Variants in DLGAP2 observed in about 807,000 individuals in gnomAD.
The protein encoded by DLGAP2 is disks large-associated protein 2.
DLGAP2 carries 26 observed loss-of-function variants against 100.3 expected under a neutral mutation model. That is an observed-to-expected ratio of 0.26 (90% CI 0.19 to 0.36). The LOEUF is 0.36. DLGAP2 is among the 10% of genes least tolerant of loss of function. DLGAP2 has a pLI of 1.00. For missense variants in DLGAP2, 1,858 were observed against 1,453.2 expected, an observed-to-expected ratio of 1.28 and a Z score of -4.53; for synonymous variants, 886 against 630.1, an observed-to-expected ratio of 1.41 and a Z score of -6.08.
chr8:1,649,756 G>A (rs996440158), intron 8 of DLGAP2, among the ~76,000 whole-genome samples: 8 of 152,244 alleles, frequency 5.3e-5, no homozygotes, highest in South Asian at 2.1e-4. Flanking sequence ...ATAGAGGATC[G>A]TGCTGTGCTT....
At chr8:1,017,702 A>G (rs968719662) in intron 2 of DLGAP2, among the ~76,000 whole-genome samples, 16 of 152,180 alleles carry the variant, frequency 1.1e-4, no homozygotes, top group Non-Finnish European at 2.4e-4. Context: ...TGGGGTTTCC[A>G]TACCCAGGGC....
At chr8:1,427,800 A>C (rs7830456) in intron 3 of DLGAP2, among the ~76,000 whole-genome samples, 4 of 152,226 alleles carry the variant, frequency 2.6e-5, no homozygotes, top group Non-Finnish European at 5.9e-5. Flanking sequence ...CGTAAGTCCA[A>C]TAAGTCTCTT....
chr8:950,342 A>T (rs961273781), intron 2 of DLGAP2, among the ~76,000 whole-genome samples: 1 of 152,226 alleles, frequency 6.6e-6, no homozygotes, highest in African/African-American at 2.4e-5. Flanking sequence ...CACTTCCCAG[A>T]GAAAATCATT....
chr8:1,020,333 C>G (rs974188081), intron 2 of DLGAP2, among the ~76,000 whole-genome samples: 2 of 152,174 alleles, frequency 1.3e-5, no homozygotes, highest in Non-Finnish European at 2.9e-5. Flanking sequence ...GTCATGAAGC[C>G]CCTGACTGGC....
chr8:1,678,764 T>C lies in DLGAP2; in HGVS notation c.2704+135T>C, dbSNP rs552254603. 9.6e-6 allele frequency: 9 copies of C among 937,762 alleles called. No homozygotes were observed. The African/African-American group carries it at 1.5e-4, about 16-fold the overall frequency. The allele number at this position is 937,762 out of a possible 1,614,324, so 58.1% of individuals were successfully genotyped here. A position where few individuals can be genotyped will look rare whatever the true frequency, so the allele number is the denominator to read the frequency against. Reference sequence around the variant, plus strand: ...AGGGAAATAAATGTGCTTTCTAGTATATCCCCCTCAATTCTAAGAAAAGAT... The same window carrying C: ...AGGGAAATAAATGTGCTTTCTAGTACATCCCCCTCAATTCTAAGAAAAGAT... On this transcript the variant is annotated intron_variant, in intron 12 of 14. Coordinates refer to ENST00000637795, the MANE Select transcript of DLGAP2 (RefSeq NM_001346810.2).
chr8:1,663,142 G>A (rs1385711441), intron 8 of DLGAP2, among the ~76,000 whole-genome samples: 18 of 128,230 alleles, frequency 1.4e-4, no homozygotes, highest in South Asian at 5.3e-4. Flanking sequence ...GTGTGTGTAT[G>A]TGTGAGTGTG....
In DLGAP2 at chr8:1,117,457, T is replaced by C. The variant is rs1805154177; in HGVS notation, c.74-141394T>C. 1.3e-5 allele frequency among the ~76,000 whole-genome samples: 2 copies of C among 152,048 alleles called. 1 individual carries two copies. The highest frequency in any genetic ancestry group is 4.1e-4 in the South Asian group (2 of 4,824). On this transcript the variant is annotated intron_variant, in intron 2 of 14. Transcript: ENST00000637795. The stretch of plus-strand genomic sequence containing the variant: ...TCACAGAGAAGAAACAGGCTCACGG[T>C]GGGAAGATGCTTAGAAATGAGGACT...
At chr8:1,129,300 G>C (rs1419486176) in intron 2 of DLGAP2, among the ~76,000 whole-genome samples, 1 of 151,900 alleles carries the variant, frequency 6.6e-6, no homozygotes, top group Non-Finnish European at 1.5e-5. Context: ...CTGCTCGGGA[G>C]GCTGAGGCAG....
intron 2 of DLGAP2, among the ~76,000 whole-genome samples, chr8:1,226,223 A>C (rs1165093425): frequency 1.3e-5 from 2 of 152,204 alleles, no homozygotes; most frequent in African/African-American, 4.8e-5. Flanking sequence ...CACAGAATCA[A>C]CGCAAATGTC....
At chr8:1,571,246 A>C (rs554965896) in intron 6 of DLGAP2, among the ~76,000 whole-genome samples, 4 of 91,192 alleles carry the variant, frequency 4.4e-5, no homozygotes, top group Admixed American at 3.6e-4. Context: ...GAGATGGAGA[A>C]GAGAGAGGGG....
intron 4 of DLGAP2, among the ~76,000 whole-genome samples, chr8:1,541,033 T>A (rs925502209): frequency 8.5e-5 from 13 of 152,182 alleles, no homozygotes; most frequent in African/African-American, 3.1e-4. Flanking sequence ...GCCCAGGATT[T>A]TCTACGGAGC....
At chr8:1,606,750 T>C (rs554697601) in intron 6 of DLGAP2, among the ~76,000 whole-genome samples, 8 of 152,242 alleles carry the variant, frequency 5.3e-5, no homozygotes, top group Admixed American at 1.3e-4. Flanking sequence ...TGGCACAATC[T>C]CGGCTCACTA....
Position 1,614,580 on chromosome 8 carries a change from C to G in DLGAP2, c.1443-12160C>G, listed in dbSNP as rs140551244. Among the ~76,000 whole-genome samples, 993 of 152,322 alleles carry G rather than the reference C, an allele frequency of 6.5e-3. 8 individuals are homozygous for G. Among genetic ancestry groups the G allele is most frequent in the African/African-American group, 0.021 (866 of 41,580 alleles). On this transcript the variant is annotated intron_variant, in intron 6 of 14. Transcript: ENST00000637795. ...CTTGTGCCCACACGAGCTCCGGGGA[C>G]TCTGGGAAAGGAGACCTCCCAGGCG...
At chr8:995,188 C>T (rs1445286403) in intron 2 of DLGAP2, among the ~76,000 whole-genome samples, 2 of 151,924 alleles carry the variant, frequency 1.3e-5, no homozygotes, top group East Asian at 1.9e-4. Flanking sequence ...CTGTATAAAG[C>T]AGTATAATTT....
intron 2 of DLGAP2, among the ~76,000 whole-genome samples, chr8:1,156,744 G>A (rs1156452879): frequency 1.3e-5 from 2 of 152,096 alleles, no homozygotes; most frequent in Admixed American, 6.5e-5. Context: ...CAGCACCCCC[G>A]TTTGGTGCCC....
At chr8:1,585,403 G>C (rs1796086274) in intron 6 of DLGAP2, among the ~76,000 whole-genome samples, 1 of 152,334 alleles carries the variant, frequency 6.6e-6, no homozygotes, top group Middle Eastern at 3.4e-3. Flanking sequence ...GGCGGAGGTT[G>C]CAGTGAGCTG....
chr8:1,644,464 CAGTTTCTTCCTTGAGTTTCTGCCTG>C (rs1189967410), intron 8 of DLGAP2, among the ~76,000 whole-genome samples: 1 of 152,242 alleles, frequency 6.6e-6, no homozygotes, highest in African/African-American at 2.4e-5. Context: ...CGTCGGCCCG[CAGTTTCTTCCTTGAGTTTCTGCCTG>C]AGTCCTAGCT....
intron 1 of DLGAP2, among the ~76,000 whole-genome samples, chr8:858,706 GACATGTGTGATGCTCTCACCGTGGGC>G (rs1797331792): frequency 2.7e-5 from 4 of 146,368 alleles, no homozygotes; most frequent in African/African-American, 1.0e-4. Flanking sequence ...TCATTGTAGG[GACATGTGTGATGCTCTCACCGTGGGC>G]ACATGTATGA....
At chr8:1,315,036 C>T (rs536336461) in intron 3 of DLGAP2, among the ~76,000 whole-genome samples, 6 of 152,296 alleles carry the variant, frequency 3.9e-5, no homozygotes, top group South Asian at 4.1e-4. Flanking sequence ...AACACCGCTC[C>T]GTGGCGGTGG....
Sources: gnomAD v4.1 joint callset for allele counts (sites outside exome capture counted in the v4.1 genomes callset) on GRCh38, gnomAD v4.1.1 for gene constraint, MANE v1.5 for transcripts, NCBI Gene and HGNC (gene_info 2026-07-23, HGNC 2026-07-21) for gene names.